CAND1: variants seen among roughly 807,000 people sequenced by gnomAD.
The protein encoded by CAND1 is cullin associated and neddylation dissociated 1.
CAND1 carries 7 observed loss-of-function variants against 108.5 expected under a neutral mutation model. The observed-to-expected ratio is 0.06, with a 90% CI of 0.04 to 0.12. The LOEUF (loss-of-function observed/expected upper bound fraction) is 0.12. CAND1 is among the 10% of genes least tolerant of loss of function. The pLI, the probability that CAND1 is intolerant of heterozygous loss-of-function variation, is 1.00. For missense variants in CAND1, 941 were observed against 1,448.7 expected (o/e 0.65, Z 5.69); for synonymous variants, 534 against 512.0 (o/e 1.04, Z -0.58).
chr12:67,284,435 G>C (rs1221281739), intron 2 of CAND1, among the ~76,000 whole-genome samples: 1 of 152,024 alleles, frequency 6.6e-6, no homozygotes, highest in African/African-American at 2.4e-5. Flanking sequence ...GTAGATCAAA[G>C]GAGAAAAAAC....
rs1565724508 is a variant in CAND1 at position 67,299,085 on chromosome 12, T to G, written c.990T>G (p.Asp330Glu). The G allele has an allele frequency of 6.5e-7, 1 of 1,540,994 alleles. No homozygotes were observed. The highest frequency in any genetic ancestry group is 8.9e-7 in the Non-Finnish European group (1 of 1,129,430). The part of the protein sequence containing the change: ...ENAMDADGGD[D>E]DDQGSDDEYS... ...CAATGGATGCTGATGGTGGTGATGA[T>G]GATGATCAAGGTATTGCAAATTAAA... Residue 330 changes from aspartate to glutamate, a missense_variant, in exon 7 of 15, where the codon GAT becomes GAG. Asp to Glu is a conservative substitution (Grantham distance 45). Coordinates refer to ENST00000545606, the MANE Select transcript of CAND1 (RefSeq NM_018448.5).
Position 67,269,493 on chromosome 12 carries a change from A to T in CAND1, c.-225A>T, listed in dbSNP as rs1020611086. 1.5e-5 allele frequency: 8 copies of T among 526,588 alleles called. No homozygotes were observed. The highest frequency in any genetic ancestry group is 2.6e-5 in the Non-Finnish European group (8 of 303,038). 32.6% of individuals were successfully genotyped at this position (526,588 alleles called of 1,614,324 possible). A position where few individuals can be genotyped will look rare whatever the true frequency, so the allele number is the denominator to read the frequency against. On this transcript the variant is annotated 5_prime_UTR_variant, in exon 1 of 15. It removes the in-frame stop codon of an upstream open reading frame in the 5' UTR. Coordinates refer to ENST00000545606, the MANE Select transcript of CAND1 (RefSeq NM_018448.5). Reference sequence around the variant, plus strand: ...TTCTCACGCGAACAGCGCCGTCGTTAGGCTGGCTCTGTAGCCTCGGCTTAC... The same window carrying T: ...TTCTCACGCGAACAGCGCCGTCGTTTGGCTGGCTCTGTAGCCTCGGCTTAC...
chr12:67,295,309 G>C (rs2044759191), intron 4 of CAND1, among the ~76,000 whole-genome samples, 153 bp downstream of exon 4: 1 of 152,064 alleles, frequency 6.6e-6, no homozygotes, highest in Non-Finnish European at 1.5e-5. Flanking sequence ...GGGAGTGAGG[G>C]GGAAATAAGC....
rs773971343 is a variant in CAND1, at chr12:67,310,054, A to G, written c.3179A>G (p.Lys1060Arg). The change falls in exon 12 of 15, where the codon AAG (lysine) becomes AGG (arginine). Residue 1060 changes from lysine to arginine, a missense_variant. Around this residue, in one of 9 missense-constraint regions of CAND1, gnomAD observed 106 missense variants for 182.0 expected, o/e 0.58. Transcript: ENST00000545606. Reference sequence around the variant, plus strand: ...CTTTACAATGAAACAAAAGTTAGAAAGGAGCTTATAAGAGAGGTAAGTTAG... The same window carrying G: ...CTTTACAATGAAACAAAAGTTAGAAGGGAGCTTATAAGAGAGGTAAGTTAG... ...PHLYNETKVRKELIREVEMGP... is the reference protein window; with the variant it reads ...PHLYNETKVRRELIREVEMGP... The G allele has an allele frequency of 3.1e-6, 5 of 1,611,750 alleles. No homozygotes were observed. The highest frequency in any genetic ancestry group is 2.2e-5 in the South Asian group (2 of 90,832).
intron 2 of CAND1, among the ~76,000 whole-genome samples, chr12:67,291,705 A>G (rs548124204): frequency 2.7e-4 from 41 of 152,216 alleles, no homozygotes; most frequent in Non-Finnish European, 3.2e-4. Context: ...TCTGCACGAA[A>G]CAAAGCTTTG....
Position 67,312,853 on chromosome 12 carries a change from A to G in CAND1, c.*23A>G, listed in dbSNP as rs746155038. ...TAGATGTTTGTTCACCATGGGGACCATTACATATGACCATACAATGCACTG... is the reference window on the plus strand; with the variant it reads ...TAGATGTTTGTTCACCATGGGGACCGTTACATATGACCATACAATGCACTG... On this transcript the variant is annotated 3_prime_UTR_variant, in exon 15 of 15. Transcript: ENST00000545606. 5 of 1,443,758 alleles carry G rather than the reference A, an allele frequency of 3.5e-6. No homozygotes were observed. The South Asian group carries it at 6.0e-5, about 17-fold the overall frequency. 89.4% of individuals were successfully genotyped at this position (1,443,758 alleles called of 1,614,324 possible).
intron 2 of CAND1, among the ~76,000 whole-genome samples, chr12:67,292,320 A>G (rs951842602): frequency 6.6e-6 from 1 of 152,188 alleles, no homozygotes; most frequent in Non-Finnish European, 1.5e-5. Context: ...AAAATAAAAA[A>G]TAAGTTTTCT....
In CAND1 at chr12:67,312,784, A is replaced by G. The variant is rs754543408; in HGVS notation, c.3647A>G (p.Gln1216Arg). The change falls in exon 15 of 15, where the codon CAG becomes CGG. Residue 1216 changes from glutamine to arginine, a missense_variant. Coordinates refer to ENST00000545606, the MANE Select transcript of CAND1 (RefSeq NM_018448.5). Reference protein sequence around the residue: ...PELAAIFESIQKDSSSTNLES... With the variant: ...PELAAIFESIRKDSSSTNLES... ...CTGGCGGCTATCTTTGAAAGTATCC[A>G]GAAAGATTCATCATCTACTAACTTG... 1.9e-6 allele frequency: 3 copies of G among 1,613,584 alleles called. No individual in the cohort carries two copies. The highest frequency in any genetic ancestry group is 1.3e-5 in the African/African-American group (1 of 75,046).
intron 1 of CAND1, among the ~76,000 whole-genome samples, chr12:67,274,334 AG>A (rs1336846693): frequency 6.6e-6 from 1 of 152,236 alleles, no homozygotes; most frequent in Non-Finnish European, 1.5e-5. Context: ...AGAATATTAA[AG>A]CAAGAAGATT....
At chr12:67,284,287 AAG>A (rs1224154628) in intron 2 of CAND1, among the ~76,000 whole-genome samples, 2 of 152,104 alleles carry the variant, frequency 1.3e-5, no homozygotes, top group Non-Finnish European at 2.9e-5. Flanking sequence ...TTAAAAAAAA[AAG>A]AAAGAAAACT....
rs2044969026 is a variant in CAND1 at position 67,313,006 on chromosome 12, T to G, written c.*176T>G. On this transcript the variant is annotated 3_prime_UTR_variant, in exon 15 of 15. Coordinates refer to ENST00000545606, the MANE Select transcript of CAND1 (RefSeq NM_018448.5). ...CATTGTTGTTTTTGTAGCATTTATT[T>G]CAGAAATGTGTATTTCCATAATCCA... 3 of 533,570 alleles carry G rather than the reference T, an allele frequency of 5.6e-6. No homozygotes were observed. The East Asian group carries it at 9.0e-5, about 16-fold the overall frequency. The allele number at this position is 533,570 out of a possible 1,614,324, so 33.1% of individuals were successfully genotyped here. A position where few individuals can be genotyped will look rare whatever the true frequency, so the allele number is the denominator to read the frequency against.
chr12:67,286,832 A>G (rs1477928213), intron 2 of CAND1, among the ~76,000 whole-genome samples: 1 of 152,108 alleles, frequency 6.6e-6, no homozygotes, highest in East Asian at 1.9e-4. Flanking sequence ...TTTGCAAAGG[A>G]TGTGAGGTAG....
At chr12:67,269,994 G>T in intron 1 of CAND1, 4 of 525,110 alleles carry the variant, frequency 7.6e-6, no homozygotes, top group Non-Finnish European at 1.3e-5. Flanking sequence ...CTTTCTCCTA[G>T]GCAGTTGCCC....
Position 67,285,393 on chromosome 12 carries a change from G to GT in CAND1, c.212+3347dup, listed in dbSNP as rs199706372. Reference sequence around the variant, plus strand: ...GCTAAACTAATTATAAAAATATTAAGTTTTTTTCCAGAAACTAGACAAATT... The same window carrying GT: ...GCTAAACTAATTATAAAAATATTAAGTTTTTTTTCCAGAAACTAGACAAATT... On this transcript the variant is annotated intron_variant, in intron 2 of 14. Coordinates refer to ENST00000545606, the MANE Select transcript of CAND1 (RefSeq NM_018448.5). 2.2e-3 allele frequency among the ~76,000 whole-genome samples: 332 copies of GT among 152,250 alleles called. 2 individuals carry two copies. Among genetic ancestry groups the GT allele is most frequent in the East Asian group, 0.016 (85 of 5,188 alleles).
intron 3 of CAND1, among the ~76,000 whole-genome samples, chr12:67,293,637 C>T (rs1160234103): frequency 6.6e-6 from 1 of 152,090 alleles, no homozygotes; most frequent in Non-Finnish European, 1.5e-5. Flanking sequence ...CCTGTAATCC[C>T]AGCTACTTGG....
At chr12:67,278,553 C>CT (rs2044591199) in intron 1 of CAND1, among the ~76,000 whole-genome samples, 1 of 152,076 alleles carries the variant, frequency 6.6e-6, no homozygotes, top group African/African-American at 2.4e-5. Flanking sequence ...GAATCTCACT[C>CT]TGTCACCTAG....
At chr12:67,310,620 CT>C (rs2044939052) in intron 13 of CAND1, 1 of 189,270 alleles carries the variant, frequency 5.3e-6, no homozygotes, top group African/African-American at 2.3e-5. Flanking sequence ...ACAGATTTTG[CT>C]GTTTAAAGTA....
chr12:67,288,515 A>G (rs1381886180), intron 2 of CAND1, among the ~76,000 whole-genome samples: 3 of 152,174 alleles, frequency 2.0e-5, no homozygotes, highest in African/African-American at 7.2e-5. Flanking sequence ...TCCCTATAGT[A>G]AAGTCAGTTT....
chr12:67,306,738 C>T (rs1042106639), intron 10 of CAND1, 141 bp downstream of exon 10: 4 of 632,516 alleles, frequency 6.3e-6, no homozygotes, highest in Admixed American at 6.3e-5. Flanking sequence ...AACTGTCTTT[C>T]GTAGTATGGA....
Sources: allele counts gnomAD v4.1 joint callset (sites outside exome capture counted in the v4.1 genomes callset), GRCh38; gene constraint gnomAD v4.1.1; regional missense constraint gnomAD v4.1.1; transcripts MANE v1.5; gene names NCBI Gene and HGNC (gene_info 2026-07-23, HGNC 2026-07-21).